Variants in KAT2B observed in about 807,000 individuals in gnomAD.
The protein encoded by KAT2B is histone acetyltransferase KAT2B.
In KAT2B, 36 loss-of-function variants were observed where a neutral mutation model predicts 105.9. The observed-to-expected ratio is 0.34, with a 90% CI of 0.26 to 0.45. The LOEUF is 0.45. Among genes scored for constraint, KAT2B ranks in the 20% least tolerant of loss-of-function variants. KAT2B has a pLI of 1.00. For synonymous variants in KAT2B, 397 were observed against 377.9 expected, an observed-to-expected ratio of 1.05 and a Z score of -0.59; for missense variants, 820 against 1,021.6, an observed-to-expected ratio of 0.80 and a Z score of 2.69.
chr3:20,049,821 G>A (rs1196111343), intron 1 of KAT2B, among the ~76,000 whole-genome samples: 2 of 152,170 alleles, frequency 1.3e-5, no homozygotes, highest in Non-Finnish European at 2.9e-5. Context: ...AGAATTCTCT[G>A]TTGAAGAAAG....
chr3:20,122,950 A>G, intron 9 of KAT2B, 146 bp downstream of exon 9: 1 of 1,349,834 alleles, frequency 7.4e-7, no homozygotes, highest in Non-Finnish European at 9.5e-7. Context: ...CAGTGTGGAG[A>G]GGGCAGGAAC....
At chr3:20,095,981 G>T (rs1365370851) in intron 3 of KAT2B, among the ~76,000 whole-genome samples, 1 of 152,148 alleles carries the variant, frequency 6.6e-6, no homozygotes, top group Non-Finnish European at 1.5e-5. Flanking sequence ...GGAGCCATCT[G>T]TGCAAAGTGC....
At chr3:20,127,230 T>C (rs1292330567) in intron 10 of KAT2B, among the ~76,000 whole-genome samples, 193 bp from the exon 11 acceptor site, 1 of 152,092 alleles carries the variant, frequency 6.6e-6, no homozygotes, top group Non-Finnish European at 1.5e-5. Context: ...GCTGATGACA[T>C]CTTGTGCAGG....
intron 2 of KAT2B, among the ~76,000 whole-genome samples, chr3:20,073,793 C>T (rs964511626): frequency 2.6e-5 from 4 of 152,206 alleles, no homozygotes; most frequent in Admixed American, 6.5e-5. Flanking sequence ...AGGATTGCCT[C>T]AGGAAATGTG....
intron 1 of KAT2B, among the ~76,000 whole-genome samples, chr3:20,045,259 C>G (rs1472858173): frequency 6.6e-6 from 1 of 152,094 alleles, no homozygotes; most frequent in Non-Finnish European, 1.5e-5. Flanking sequence ...CTCAAGCAAT[C>G]TGCCTGCCTC....
intron 1 of KAT2B, among the ~76,000 whole-genome samples, chr3:20,052,616 G>A (rs1697933822): frequency 6.8e-6 from 1 of 147,632 alleles, no homozygotes; most frequent in African/African-American, 2.5e-5. Context: ...CTGAGTTGGT[G>A]ATCCAGCCTA....
intron 1 of KAT2B, among the ~76,000 whole-genome samples, chr3:20,044,933 A>G (rs1697781831): frequency 6.6e-6 from 1 of 152,254 alleles, no homozygotes; most frequent in Non-Finnish European, 1.5e-5. Context: ...ATTTTAACTT[A>G]ATCACTTCTT....
At chr3:20,062,909 A>T (rs1315157042) in intron 1 of KAT2B, among the ~76,000 whole-genome samples, 4 of 152,004 alleles carry the variant, frequency 2.6e-5, no homozygotes, top group Non-Finnish European at 5.9e-5. Context: ...GGCATTCTTT[A>T]TATATTTTGG....
intron 1 of KAT2B, among the ~76,000 whole-genome samples, chr3:20,070,498 G>A (rs1487699288): frequency 1.3e-5 from 2 of 150,408 alleles, no homozygotes; most frequent in Non-Finnish European, 3.0e-5. Context: ...TAGAGATGGG[G>A]TTTCACCATG....
intron 2 of KAT2B, among the ~76,000 whole-genome samples, chr3:20,074,682 A>T (rs1264315211): frequency 2.6e-5 from 4 of 152,164 alleles, no homozygotes; most frequent in Non-Finnish European, 5.9e-5. Context: ...AAACAATGGG[A>T]AAACAGGTTT....
chr3:20,135,450 C>T (rs1483480404), intron 11 of KAT2B, among the ~76,000 whole-genome samples: 2 of 152,026 alleles, frequency 1.3e-5, no homozygotes, highest in Non-Finnish European at 1.5e-5. Flanking sequence ...GTCAGGAGAT[C>T]GAGACTATCC....
intron 1 of KAT2B, among the ~76,000 whole-genome samples, chr3:20,072,061 T>G (rs1033039746): frequency 4.6e-5 from 7 of 152,100 alleles, no homozygotes; most frequent in African/African-American, 1.7e-4. Flanking sequence ...GGACACCCAC[T>G]GGGGGCAATG....
intron 5 of KAT2B, among the ~76,000 whole-genome samples, chr3:20,102,650 G>A (rs1698930316): frequency 6.6e-6 from 1 of 152,148 alleles, no homozygotes; most frequent in African/African-American, 2.4e-5. Flanking sequence ...CAGAATAACA[G>A]AATTGGTTTT....
At chr3:20,129,064 T>G (rs1190944755) in intron 11 of KAT2B, among the ~76,000 whole-genome samples, 2 of 147,086 alleles carry the variant, frequency 1.4e-5, no homozygotes, top group Non-Finnish European at 3.0e-5. Flanking sequence ...ATGGGTGGAC[T>G]AAAGATTAGC....
chr3:20,089,492 C>T (rs1412424116), intron 2 of KAT2B, among the ~76,000 whole-genome samples: 1 of 151,266 alleles, frequency 6.6e-6, no homozygotes, highest in Non-Finnish European at 1.5e-5. Flanking sequence ...CCTCTGCCTC[C>T]CAGGTTCAAG....
chr3:20,082,964 T>C (rs1300722825), intron 2 of KAT2B, among the ~76,000 whole-genome samples: 1 of 152,192 alleles, frequency 6.6e-6, no homozygotes, highest in African/African-American at 2.4e-5. Context: ...AACAACTCCC[T>C]GGGCCTTCCG....
intron 1 of KAT2B, among the ~76,000 whole-genome samples, chr3:20,060,569 C>A (rs138887198): frequency 1.3e-5 from 2 of 151,954 alleles, no homozygotes. Flanking sequence ...CCATTGCACT[C>A]CAGCCTGGGC....
At chr3:20,134,457 C>T (rs1305801600) in intron 11 of KAT2B, among the ~76,000 whole-genome samples, 7 of 152,252 alleles carry the variant, frequency 4.6e-5, no homozygotes, top group Non-Finnish European at 8.8e-5. Context: ...AGTGCGTTGG[C>T]GCGATCTCAG....
chr3:20,088,812 T>G (rs1187951070), intron 2 of KAT2B, among the ~76,000 whole-genome samples: 4 of 152,240 alleles, frequency 2.6e-5, no homozygotes, highest in Non-Finnish European at 5.9e-5. Context: ...AAAAAATCTT[T>G]GCGAAGACCA....
Sources: gnomAD v4.1 joint callset for allele counts (sites outside exome capture counted in the v4.1 genomes callset) on GRCh38, gnomAD v4.1.1 for gene constraint, MANE v1.5 for transcripts, NCBI Gene and HGNC (gene_info 2026-07-23, HGNC 2026-07-21) for gene names.